The following SGMS1 variants were observed in gnomAD, a reference collection of about 807,000 sequenced individuals.
SGMS1 encodes the protein sphingomyelin synthase 1, also known as phosphatidylcholine:ceramide cholinephosphotransferase 1.
A neutral mutation model predicts 46.2 loss-of-function variants in SGMS1; 13 were observed. The observed-to-expected ratio is 0.28, with a 90% CI of 0.18 to 0.45. The LOEUF is 0.45. Among genes scored for constraint, SGMS1 ranks in the 20% least tolerant of loss-of-function variants. The probability of loss-of-function intolerance (pLI) is 1.00; values close to 1 mark genes in which losing one functional copy is unlikely to be tolerated. For synonymous variants in SGMS1, 203 were observed against 187.8 expected, an observed-to-expected ratio of 1.08 and a Z score of -0.66; for missense variants, 324 against 519.9, an observed-to-expected ratio of 0.62 and a Z score of 3.66.
intron 6 of SGMS1, among the ~76,000 whole-genome samples, chr10:50,416,835 A>T (rs532503645): frequency 2.3e-5 from 2 of 85,402 alleles, no homozygotes; most frequent in East Asian, 6.7e-4. Flanking sequence ...CCTTTATAGA[A>T]CTAAAAAAAA....
intron 1 of SGMS1, among the ~76,000 whole-genome samples, chr10:50,617,663 ACTCCGC>A (rs1230925399): frequency 1.3e-5 from 2 of 152,084 alleles, no homozygotes; most frequent in African/African-American, 4.8e-5. Context: ...CTCACTGCAA[ACTCCGC>A]CTCCTGAGCT....
chr10:50,477,041 G>C (rs899397762), intron 3 of SGMS1, among the ~76,000 whole-genome samples: 3 of 152,222 alleles, frequency 2.0e-5, no homozygotes, highest in Admixed American at 2.0e-4. Context: ...TGCAAGAGGA[G>C]GGCTGCCTTC....
chr10:50,325,200 A>C (rs910809616), intron 8 of SGMS1, among the ~76,000 whole-genome samples: 1 of 152,244 alleles, frequency 6.6e-6, no homozygotes, highest in African/African-American at 2.4e-5. Context: ...GCAAATCTTG[A>C]TAATTATTGA....
intron 3 of SGMS1, among the ~76,000 whole-genome samples, chr10:50,469,954 C>T (rs1258243135): frequency 6.6e-5 from 10 of 152,204 alleles, no homozygotes; most frequent in Non-Finnish European, 1.0e-4. Context: ...ATTACTTCCT[C>T]TTAGATTGTG....
At chr10:50,619,920 G>A (rs1042862663) in intron 1 of SGMS1, among the ~76,000 whole-genome samples, 1 of 152,098 alleles carries the variant, frequency 6.6e-6, no homozygotes, top group African/African-American at 2.4e-5. Flanking sequence ...CAGAGTGTGT[G>A]TGTCTCTTTC....
chr10:50,500,082 C>T (rs578147504), intron 3 of SGMS1, among the ~76,000 whole-genome samples: 2 of 152,276 alleles, frequency 1.3e-5, no homozygotes, highest in East Asian at 1.9e-4. Flanking sequence ...GCAAGAGGAT[C>T]GCTTGAACCC....
chr10:50,461,792 C>A (rs1249531232), intron 4 of SGMS1, among the ~76,000 whole-genome samples: 1 of 152,134 alleles, frequency 6.6e-6, no homozygotes, highest in Non-Finnish European at 1.5e-5. Flanking sequence ...TAGAACAAAA[C>A]AATCCACTAC....
At chr10:50,586,639 G>C (rs943347221) in intron 2 of SGMS1, among the ~76,000 whole-genome samples, 7 of 152,390 alleles carry the variant, frequency 4.6e-5, no homozygotes, top group Middle Eastern at 3.4e-3. Flanking sequence ...ACATGTGCCA[G>C]TAGGGAACGA....
At chr10:50,338,619 A>T (rs4935623) in intron 7 of SGMS1, among the ~76,000 whole-genome samples, 1 of 151,930 alleles carries the variant, frequency 6.6e-6, no homozygotes. Context: ...ATTAGAAACT[A>T]TAAGTGTCAT....
At chr10:50,569,812 C>T (rs1422837032) in intron 2 of SGMS1, among the ~76,000 whole-genome samples, 1 of 152,130 alleles carries the variant, frequency 6.6e-6, no homozygotes, top group Non-Finnish European at 1.5e-5. Context: ...CCTATGCAAG[C>T]TGGATGGTAG....
chr10:50,624,590 GC>G (rs1838899692), upstream of SGMS1: 8 of 985,058 alleles, frequency 8.1e-6, no homozygotes, highest in Non-Finnish European at 9.6e-6. Flanking sequence ...GAGCCGCCCC[GC>G]CCCGCCTGGG....
intron 2 of SGMS1, among the ~76,000 whole-genome samples, chr10:50,531,480 A>G (rs1023234033): frequency 1.3e-5 from 2 of 152,044 alleles, no homozygotes; most frequent in African/African-American, 4.8e-5. Context: ...GTACATAATC[A>G]CCCACAAGCT....
At chr10:50,540,078 T>A (rs1434832745) in intron 2 of SGMS1, among the ~76,000 whole-genome samples, 5 of 152,256 alleles carry the variant, frequency 3.3e-5, no homozygotes, top group Non-Finnish European at 5.9e-5. Context: ...GAAAGAATTA[T>A]CTTATCTTAC....
intron 6 of SGMS1, among the ~76,000 whole-genome samples, chr10:50,379,940 G>A (rs1480815031): frequency 6.6e-6 from 1 of 152,178 alleles, no homozygotes; most frequent in Non-Finnish European, 1.5e-5. Flanking sequence ...TGAAGCTTGA[G>A]TAAGTGACAA....
At chr10:50,371,647 C>T (rs1848437887) in intron 6 of SGMS1, among the ~76,000 whole-genome samples, 1 of 152,202 alleles carries the variant, frequency 6.6e-6, no homozygotes, top group Non-Finnish European at 1.5e-5. Flanking sequence ...CTATGTTTCA[C>T]ATGATGGGCT....
intron 2 of SGMS1, among the ~76,000 whole-genome samples, chr10:50,564,205 A>G (rs1838268172): frequency 6.6e-6 from 1 of 152,154 alleles, no homozygotes; most frequent in Non-Finnish European, 1.5e-5. Flanking sequence ...GACAGAAAAC[A>G]CATGCTGCAA....
At chr10:50,553,422 T>A (rs1564430425) in intron 2 of SGMS1, among the ~76,000 whole-genome samples, 2 of 152,208 alleles carry the variant, frequency 1.3e-5, no homozygotes, top group Admixed American at 1.3e-4. Context: ...AAGTACTTAG[T>A]ATATTTCCTG....
intron 2 of SGMS1, among the ~76,000 whole-genome samples, chr10:50,579,252 C>T (rs1309733464): frequency 6.6e-6 from 1 of 151,988 alleles, no homozygotes; most frequent in East Asian, 1.9e-4. Flanking sequence ...AGCTAAAAAG[C>T]AGATGCGGAA....
Position 50,581,500 on chromosome 10 carries a change from A to G in SGMS1, c.-589+8653T>C, listed in dbSNP as rs562624535. Among the ~76,000 whole-genome samples, 6 of 152,334 alleles carry G rather than the reference A, an allele frequency of 3.9e-5. No homozygotes were observed. The East Asian group carries it at 7.7e-4, about 20-fold the overall frequency. On this transcript the variant is annotated intron_variant, in intron 2 of 10. Transcript: ENST00000361781. ...TTTTGTTGCTGACATTACAGGAAAT[A>G]AGGTTGACCTTGTTTTCTCAGATGT... is the stretch of plus-strand genomic sequence containing the variant.
Sources: gnomAD v4.1 joint callset for allele counts (sites outside exome capture counted in the v4.1 genomes callset) on GRCh38, gnomAD v4.1.1 for gene constraint, MANE v1.5 for transcripts, NCBI Gene and HGNC (gene_info 2026-07-23, HGNC 2026-07-21) for gene names.